FMN1: variants seen among roughly 807,000 people sequenced by gnomAD.
The protein encoded by FMN1 is formin 1.
Under a neutral mutation model 132.4 loss-of-function variants are expected in FMN1, and 110 were observed. The observed-to-expected ratio is 0.83, with a 90% confidence interval of 0.71 to 0.97. FMN1 has a LOEUF of 0.97. FMN1 is among the 50% of genes least tolerant of loss of function. The pLI is 0.00. For missense variants in FMN1, 1,792 were observed against 1,705.3 expected (o/e 1.05, Z -0.90); for synonymous variants, 722 against 651.7 (o/e 1.11, Z -1.64).
chr15:33,098,710 G>C (rs552185802), intron 4 of FMN1, among the ~76,000 whole-genome samples: 1 of 152,310 alleles, frequency 6.6e-6, no homozygotes, highest in Admixed American at 6.5e-5. Context: ...AGGAGGATGA[G>C]GTTGTGTCAC....
At chr15:33,167,962 A>G (rs916742312) in intron 3 of FMN1, among the ~76,000 whole-genome samples, 12 of 152,198 alleles carry the variant, frequency 7.9e-5, no homozygotes, top group Middle Eastern at 3.2e-3. Context: ...AGACAGGCAC[A>G]CTTGGTATAA....
At chr15:33,166,380 A>C (rs1393814211) in intron 3 of FMN1, among the ~76,000 whole-genome samples, 1 of 152,004 alleles carries the variant, frequency 6.6e-6, no homozygotes, top group Non-Finnish European at 1.5e-5. Context: ...TAAAAAGCCC[A>C]AAATTTAAAA....
At chr15:33,127,821 A>G (rs1180933279) in intron 4 of FMN1, among the ~76,000 whole-genome samples, 1 of 152,236 alleles carries the variant, frequency 6.6e-6, no homozygotes, top group Admixed American at 6.5e-5. Context: ...CTCATTCCTC[A>G]GTCTCCCTGA....
In FMN1 at chr15:32,908,545, T is replaced by G. The variant is rs772673350; in HGVS notation, c.3322A>C (p.Lys1108Gln). ...TCTTCTTTGGATGTCTCGTAATACT[T>G]TCTTATTTTAACCAGCTCATCCTCT... ...AQEDELVKIR[K>Q]YYETSKEEEL... Residue 1108 changes from lysine (K) to glutamine (Q), a missense_variant, in exon 12 of 21, where the codon AAG (lysine) becomes CAG (glutamine). Physicochemically the swap from Lys to Gln is moderately conservative, Grantham distance 53. This residue lies in a region of FMN1 where 1,150 missense variants were observed against 1,043.1 expected (regional missense o/e 1.10). Transcript: ENST00000616417. 1 of 1,611,478 alleles carries G rather than the reference T, an allele frequency of 6.2e-7. No homozygotes were observed. The highest frequency in any genetic ancestry group is 8.5e-7 in the Non-Finnish European group (1 of 1,178,604).
intron 6 of FMN1, among the ~76,000 whole-genome samples, chr15:33,020,336 C>G (rs529694716): frequency 6.6e-6 from 1 of 152,150 alleles, no homozygotes; most frequent in South Asian, 2.1e-4. Flanking sequence ...CCCAACCCCC[C>G]CACCAGATTC....
At chr15:32,943,838 A>C (rs1282509508) in intron 9 of FMN1, among the ~76,000 whole-genome samples, 3 of 152,186 alleles carry the variant, frequency 2.0e-5, no homozygotes. Context: ...TCTTCTAAGT[A>C]ATAGACATCT....
rs2056081068 is a variant in FMN1, at chr15:32,767,293, G to C, written c.*7017C>G. ...TGAAGACATAAAACTGCATGGATCAGGTGCACTTTAGAAAGCAGCATCCAG... is the reference window on the plus strand; with the variant it reads ...TGAAGACATAAAACTGCATGGATCACGTGCACTTTAGAAAGCAGCATCCAG... On this transcript the variant is annotated 3_prime_UTR_variant, in exon 21 of 21. Coordinates refer to ENST00000616417, the MANE Select transcript of FMN1 (RefSeq NM_001277313.2). The C allele has an allele frequency of 6.6e-6, 1 of 152,142 alleles. No individual in the cohort carries two copies. The highest frequency in any genetic ancestry group is 1.5e-5 in the Non-Finnish European group (1 of 68,022). 9.4% of individuals were successfully genotyped at this position (152,142 alleles called of 1,614,324 possible).
At chr15:32,944,338 C>T (rs1034561446) in intron 9 of FMN1, among the ~76,000 whole-genome samples, 4 of 152,190 alleles carry the variant, frequency 2.6e-5, no homozygotes, top group Non-Finnish European at 5.9e-5. Flanking sequence ...TGTCATCCGA[C>T]GTGGTGCAAA....
chr15:33,023,494 TAA>T (rs1459207763), intron 6 of FMN1, among the ~76,000 whole-genome samples: 1 of 151,980 alleles, frequency 6.6e-6, no homozygotes, highest in Non-Finnish European at 1.5e-5. Context: ...AGCAACACAC[TAA>T]GAGACAAGAA....
intron 9 of FMN1, among the ~76,000 whole-genome samples, chr15:32,931,306 T>C (rs550805407): frequency 6.6e-6 from 1 of 152,338 alleles, no homozygotes; most frequent in East Asian, 1.9e-4. Context: ...ATAATATTAA[T>C]TCTTTCAATC....
intron 3 of FMN1, among the ~76,000 whole-genome samples, chr15:33,171,170 A>G (rs1965306610): frequency 1.3e-5 from 2 of 152,234 alleles, no homozygotes; most frequent in Non-Finnish European, 2.9e-5. Flanking sequence ...AAAAATTGAT[A>G]TCATGTAAGT....
chr15:32,993,173 C>T (rs1478895529), intron 7 of FMN1, among the ~76,000 whole-genome samples: 1 of 152,136 alleles, frequency 6.6e-6, no homozygotes, highest in Non-Finnish European at 1.5e-5. Flanking sequence ...AATATCATTC[C>T]AATACACATT....
At chr15:33,153,001 C>T (rs1398876274) in intron 4 of FMN1, 47 bp downstream of exon 4, 1 of 1,430,536 alleles carries the variant, frequency 7.0e-7, no homozygotes, top group Non-Finnish European at 9.2e-7. Context: ...CTGATAGTTC[C>T]CCAATCAGCC....
chr15:32,874,003 A>G (rs1030898573), intron 16 of FMN1, among the ~76,000 whole-genome samples: 2 of 139,168 alleles, frequency 1.4e-5, no homozygotes, highest in Non-Finnish European at 3.1e-5. Context: ...ATGATTCACA[A>G]TTTTATTTTA....
At chr15:32,786,085 A>C (rs1446204988) in intron 19 of FMN1, among the ~76,000 whole-genome samples, 5 of 152,166 alleles carry the variant, frequency 3.3e-5, no homozygotes, top group African/African-American at 7.2e-5. Flanking sequence ...CACGTTCCCT[A>C]AAAAGTAGGA....
chr15:33,048,644 A>AAAAAAAAAAAAAAAACAAAAAC lies in FMN1; in HGVS notation c.2161+16312_2161+16313insGTTTTTGTTTTTTTTTTTTTTT. Among the ~76,000 whole-genome samples, 78 of 86,886 alleles carry AAAAAAAAAAAAAAAACAAAAAC rather than the reference A, an allele frequency of 9.0e-4. 1 individual carries two copies. The highest frequency in any genetic ancestry group is 1.6e-3 in the African/African-American group (40 of 24,318). The allele number at this position is 86,886 out of a possible 152,430, so 57.0% of individuals were successfully genotyped here. On this transcript the variant is annotated intron_variant, in intron 6 of 20. Coordinates refer to ENST00000616417, the MANE Select transcript of FMN1 (RefSeq NM_001277313.2). ...TGGGCAATTTACCAAAAAAAAAAAA[A>AAAAAAAAAAAAAAAACAAAAAC]AAAAACCAACAGTTTAATGGACTTA...
chr15:33,114,990 C>A (rs2039859277), intron 4 of FMN1, among the ~76,000 whole-genome samples: 1 of 152,130 alleles, frequency 6.6e-6, no homozygotes, highest in Admixed American at 6.5e-5. Flanking sequence ...TGCACTGATC[C>A]TTCATTCAAT....
intron 4 of FMN1, among the ~76,000 whole-genome samples, chr15:33,123,830 GAAT>G: frequency 6.6e-6 from 1 of 152,200 alleles, no homozygotes; most frequent in East Asian, 1.9e-4. Flanking sequence ...GGCTTAGGCA[GAAT>G]AGAATTTGTT....
intron 6 of FMN1, among the ~76,000 whole-genome samples, chr15:33,023,657 G>C (rs1454984): frequency 0.14 from 21,099 of 152,180 alleles, 1,671 homozygotes; most frequent in Middle Eastern, 0.22. Flanking sequence ...TGAAAGTGCA[G>C]CATGGTGCAA....
Sources: allele counts gnomAD v4.1 joint callset (sites outside exome capture counted in the v4.1 genomes callset), GRCh38; gene constraint gnomAD v4.1.1; regional missense constraint gnomAD v4.1.1; transcripts MANE v1.5; gene names NCBI Gene and HGNC (gene_info 2026-07-23, HGNC 2026-07-21).